Variants in GAB1 observed in about 807,000 individuals in gnomAD.
GAB1 encodes GRB2-associated-binding protein 1.
GAB1 carries 19 observed loss-of-function variants against 66.5 expected under a neutral mutation model. That is an observed-to-expected ratio of 0.29 (90% CI 0.20 to 0.42). GAB1 has a LOEUF of 0.42. Ranked by LOEUF, GAB1 falls within the 10% of genes least tolerant of loss-of-function variation. GAB1 has a pLI of 1.00. For synonymous variants in GAB1, 294 were observed against 301.4 expected (o/e 0.98, Z 0.25); for missense variants, 732 against 858.5 (o/e 0.85, Z 1.84).
At chr4:143,337,848 A>G (rs1291744606) in intron 1 of GAB1, among the ~76,000 whole-genome samples, 2 of 152,218 alleles carry the variant, frequency 1.3e-5, no homozygotes, top group Non-Finnish European at 2.9e-5. Flanking sequence ...CCGTTTGCTT[A>G]GCAGGGTTCA....
At chr4:143,403,981 T>C (rs1731911488) in intron 1 of GAB1, among the ~76,000 whole-genome samples, 1 of 152,234 alleles carries the variant, frequency 6.6e-6, no homozygotes, top group African/African-American at 2.4e-5. Flanking sequence ...TGAAATTTGA[T>C]TTGTAACACT....
chr4:143,412,962 C>G (rs1312300923), intron 1 of GAB1, among the ~76,000 whole-genome samples: 2 of 152,166 alleles, frequency 1.3e-5, no homozygotes, highest in African/African-American at 2.4e-5. Flanking sequence ...GCAACAGCCT[C>G]TGAGAGTCTC....
chr4:143,418,553 C>A (rs1578684779), intron 2 of GAB1, among the ~76,000 whole-genome samples: 1 of 152,026 alleles, frequency 6.6e-6, no homozygotes, highest in South Asian at 2.1e-4. Flanking sequence ...TCTTCTTGTT[C>A]CTTTGCCTAT....
rs527980539 is a variant in GAB1, at chr4:143,418,886, G to C, written c.367+3115G>C. 2.6e-5 allele frequency among the ~76,000 whole-genome samples: 4 copies of C among 152,160 alleles called. 1 individual carries two copies. Among genetic ancestry groups the C allele is most frequent in the Admixed American group, 1.3e-4 (2 of 15,272 alleles). ...TGCAAGTTTTAAGGCACAGCGTCTTGTCTATTTGGCCACCTTAGGATGATT... is the reference window on the plus strand; with the variant it reads ...TGCAAGTTTTAAGGCACAGCGTCTTCTCTATTTGGCCACCTTAGGATGATT... On this transcript the variant is annotated intron_variant, in intron 2 of 9. Coordinates refer to ENST00000262994, the MANE Select transcript of GAB1 (RefSeq NM_002039.4).
chr4:143,455,003 A>AT (rs1203393525), intron 6 of GAB1, among the ~76,000 whole-genome samples: 2 of 151,252 alleles, frequency 1.3e-5, no homozygotes, highest in African/African-American at 4.9e-5. Flanking sequence ...CCTCCATGTA[A>AT]TTTTTCATAG....
In GAB1 at chr4:143,406,637, T is replaced by G. The variant is rs545355484; in HGVS notation, c.73-8840T>G. Among the ~76,000 whole-genome samples the G allele has an allele frequency of 3.3e-5, 5 of 152,370 alleles. No individual in the cohort carries two copies. The East Asian group carries it at 9.6e-4, about 29-fold the overall frequency. ...CTGACCTGAGCTCACTGACTCTGAC[T>G]GCACATGGTGGTAAGAAAAGGGTGA... On this transcript the variant is annotated intron_variant, in intron 1 of 9. Coordinates refer to ENST00000262994, the MANE Select transcript of GAB1 (RefSeq NM_002039.4).
intron 1 of GAB1, among the ~76,000 whole-genome samples, chr4:143,410,614 T>C (rs1283751092): frequency 2.0e-5 from 3 of 152,172 alleles, no homozygotes; most frequent in Non-Finnish European, 2.9e-5. Flanking sequence ...ATACAGGAAA[T>C]GTTTAAAAGA....
At chr4:143,443,812 G>C (rs942425026) in intron 6 of GAB1, among the ~76,000 whole-genome samples, 1 of 152,128 alleles carries the variant, frequency 6.6e-6, no homozygotes, top group Admixed American at 6.5e-5. Context: ...AATTATAGAT[G>C]TCAGCTGCTG....
intron 2 of GAB1, chr4:143,425,338 A>G (rs1733281807): frequency 2.6e-6 from 2 of 770,136 alleles, no homozygotes; most frequent in South Asian, 1.3e-5. Context: ...ACTGGAGCCA[A>G]TCCAATTGCT....
chr4:143,412,889 T>C (rs935192673), intron 1 of GAB1, among the ~76,000 whole-genome samples: 2 of 152,128 alleles, frequency 1.3e-5, no homozygotes, highest in African/African-American at 4.8e-5. Context: ...AGATGAACTA[T>C]ACAAGCATAG....
At chr4:143,442,759 G>A (rs1490117185) in intron 6 of GAB1, among the ~76,000 whole-genome samples, 1 of 151,964 alleles carries the variant, frequency 6.6e-6, no homozygotes, top group Non-Finnish European at 1.5e-5. Context: ...ACAGAATAAA[G>A]TAGGTTCTTA....
intron 1 of GAB1, among the ~76,000 whole-genome samples, chr4:143,371,045 T>G (rs984601474): frequency 3.3e-5 from 5 of 152,192 alleles, no homozygotes; most frequent in African/African-American, 7.2e-5. Flanking sequence ...ATGATTTATA[T>G]TCCTTTGGGT....
Position 143,473,543 on chromosome 4 carries a change from G to GA in GAB1, c.*4359dup, listed in dbSNP as rs1311671510. ...CTAAGTAAATAGAAAAAGCTCCCTG[G>GA]AAAAACTCTGTTGCCACATGCACGT... On this transcript the variant is annotated 3_prime_UTR_variant, in exon 10 of 10. Transcript: ENST00000262994. 2.6e-5 allele frequency: 4 copies of GA among 152,088 alleles called. No individual in the cohort carries two copies. Among genetic ancestry groups the GA allele is most frequent in the Non-Finnish European group, 5.9e-5 (4 of 68,026 alleles). The allele number at this position is 152,088 out of a possible 1,614,324, so 9.4% of individuals were successfully genotyped here.
intron 1 of GAB1, among the ~76,000 whole-genome samples, chr4:143,347,776 A>G (rs1279955234): frequency 1.3e-5 from 2 of 152,264 alleles, no homozygotes; most frequent in East Asian, 3.8e-4. Context: ...TGAAGGCTTA[A>G]TGAAGGTGGC....
intron 8 of GAB1, among the ~76,000 whole-genome samples, chr4:143,463,028 A>G (rs1735582172): frequency 6.6e-6 from 1 of 152,192 alleles, no homozygotes; most frequent in Admixed American, 6.6e-5. Context: ...CCAGGAGGAC[A>G]TACCTATCTA....
chr4:143,460,106 C>T (rs945769920), intron 7 of GAB1, among the ~76,000 whole-genome samples: 5 of 152,036 alleles, frequency 3.3e-5, no homozygotes, highest in Non-Finnish European at 7.4e-5. Flanking sequence ...TTCTACTTAT[C>T]ACCAAGTCAC....
intron 1 of GAB1, among the ~76,000 whole-genome samples, chr4:143,356,166 C>T (rs1729438652): frequency 6.6e-6 from 1 of 152,018 alleles, no homozygotes; most frequent in Non-Finnish European, 1.5e-5. Flanking sequence ...AGAATTTGTG[C>T]AAATCAAAGA....
At chr4:143,458,958 C>G (rs905761159) in intron 6 of GAB1, among the ~76,000 whole-genome samples, 1 of 151,798 alleles carries the variant, frequency 6.6e-6, no homozygotes, top group African/African-American at 2.4e-5. Context: ...TAGTTATATA[C>G]TCCAATATTG....
At position 143,460,414 on chromosome 4, in the gene GAB1, C is replaced by G; in HGVS notation, c.1730C>G (p.Thr577Ser). The change falls in exon 8 of 10, where the codon ACT becomes AGT. Residue 577 changes from threonine (T) to serine (S), a missense_variant. Physicochemically the swap from Thr to Ser is moderately conservative, Grantham distance 58. Coordinates refer to ENST00000262994, the MANE Select transcript of GAB1 (RefSeq NM_002039.4). The stretch of plus-strand genomic sequence containing the variant: ...CGACCAGATTCAGTGCATAGCACAA[C>G]TTCAAGCAGTGACTCACACGACAGT... Reference protein sequence around the residue: ...SPRPDSVHSTTSSSDSHDSEE... With the variant: ...SPRPDSVHSTSSSSDSHDSEE... 1 of 1,613,570 alleles carries G rather than the reference C, an allele frequency of 6.2e-7. No individual in the cohort carries two copies. Among genetic ancestry groups the G allele is most frequent in the Non-Finnish European group, 8.5e-7 (1 of 1,179,560 alleles).
Sources: allele counts gnomAD v4.1 joint callset (sites outside exome capture counted in the v4.1 genomes callset), GRCh38; gene constraint gnomAD v4.1.1; transcripts MANE v1.5; gene names NCBI Gene and HGNC (gene_info 2026-07-23, HGNC 2026-07-21).